WBP2NL: variants seen among roughly 807,000 people sequenced by gnomAD.
WBP2NL encodes postacrosomal sheath WW domain-binding protein.
Under a neutral mutation model 23.3 loss-of-function variants are expected in WBP2NL, and 27 were observed. That is an observed-to-expected ratio of 1.16 (90% confidence interval 0.85 to 1.60). WBP2NL has a LOEUF of 1.60. Among genes scored for constraint, WBP2NL ranks in the 40% most tolerant of loss-of-function variants. WBP2NL has a pLI of 0.00. For synonymous variants in WBP2NL, 151 were observed against 145.9 expected (o/e 1.03, Z -0.25); for missense variants, 370 against 389.5 (o/e 0.95, Z 0.42).
downstream of WBP2NL, chr22:42,032,990 A>C: frequency 5.6e-6 from 1 of 178,998 alleles, no homozygotes; most frequent in Non-Finnish European, 1.2e-5. Flanking sequence ...GACAAGTGGC[A>C]CCTCTGCCCA....
At position 42,028,324 on chromosome 22, in the gene WBP2NL, C is replaced by T. The variant is rs879398655; in HGVS notation, c.*1143C>T. ...ACAAATATTTATATTTTATAACAAA[C>T]GTTTATATTTGTATATTTATAACAA... On this transcript the variant is annotated 3_prime_UTR_variant, in exon 6 of 6. Transcript: ENST00000328823. The T allele has an allele frequency of 6.3e-5, 22 of 350,302 alleles. No homozygotes were observed. Among genetic ancestry groups the T allele is most frequent in the African/African-American group, 2.1e-4 (10 of 47,768 alleles). The allele number at this position is 350,302 out of a possible 1,614,324, so 21.7% of individuals were successfully genotyped here.
intron 1 of WBP2NL, among the ~76,000 whole-genome samples, chr22:41,999,436 C>T (rs746681692): frequency 6.6e-6 from 1 of 152,190 alleles, no homozygotes; most frequent in Non-Finnish European, 1.5e-5. Flanking sequence ...CTTTCTAAAG[C>T]CATGTTTCCT....
chr22:42,038,969 G>A (rs2087928739), intron 8 of WBP2NL, among the ~76,000 whole-genome samples: 2 of 151,582 alleles, frequency 1.3e-5, no homozygotes, highest in Admixed American at 1.3e-4. Context: ...GCAGTGGTAT[G>A]ATCATTGCTC....
intron 8 of WBP2NL, among the ~76,000 whole-genome samples, chr22:42,042,087 G>A (rs1240933689): frequency 6.6e-6 from 1 of 152,096 alleles, no homozygotes; most frequent in African/African-American, 2.4e-5. Flanking sequence ...CTTTTTTCTT[G>A]CATCTTTCAA....
rs754831879 is a variant in WBP2NL, at chr22:42,027,006, A to G, written c.755A>G (p.Tyr252Cys). ...GGATATGGAACCCCACCTCTCGGAT[A>G]TGGAGCCCCACCTCTCGGATATGGA... ...PLGYGTPPLGYGAPPLGYGAP... is the reference protein window; with the variant it reads ...PLGYGTPPLGCGAPPLGYGAP... The change falls in exon 6 of 6, where the codon TAT becomes TGT. Residue 252 changes from tyrosine to cysteine, a missense_variant. Tyr to Cys is a radical substitution (Grantham distance 194). Coordinates refer to ENST00000328823, the MANE Select transcript of WBP2NL (RefSeq NM_152613.3). The G allele has an allele frequency of 6.2e-7, 1 of 1,610,198 alleles. No individual in the cohort carries two copies. Among genetic ancestry groups the G allele is most frequent in the South Asian group, 1.1e-5 (1 of 91,018 alleles).
chr22:42,027,296 TC>T lies in WBP2NL; in HGVS notation c.*117del. On this transcript the variant is annotated 3_prime_UTR_variant, in exon 6 of 6. Coordinates refer to ENST00000328823, the MANE Select transcript of WBP2NL (RefSeq NM_152613.3). ...TCACAGGCTTCTCGCAGGTAGTTGT[TC>T]CACCCTTTGGAAGGGCAATCTTATG... The T allele has an allele frequency of 7.3e-7, 1 of 1,366,156 alleles. No homozygotes were observed. The highest frequency in any genetic ancestry group is 2.7e-5 in the Admixed American group (1 of 36,826). The allele number at this position is 1,366,156 out of a possible 1,614,324, so 84.6% of individuals were successfully genotyped here.
At chr22:42,021,792 T>TTC (rs1924004093) in intron 4 of WBP2NL, among the ~76,000 whole-genome samples, 1 of 147,594 alleles carries the variant, frequency 6.8e-6, no homozygotes, top group African/African-American at 2.5e-5. Flanking sequence ...TTTCTTTCTT[T>TTC]TTTTTTTTTT....
downstream of WBP2NL, among the ~76,000 whole-genome samples, chr22:42,035,794 C>T (rs1187266238): frequency 6.6e-6 from 1 of 151,808 alleles, no homozygotes; most frequent in Non-Finnish European, 1.5e-5. Flanking sequence ...ATTTTTATAC[C>T]CTTTGACCAA....
chr22:42,028,887 G>A (rs1191098720), downstream of WBP2NL, among the ~76,000 whole-genome samples: 1 of 152,218 alleles, frequency 6.6e-6, no homozygotes, highest in Admixed American at 6.5e-5. Context: ...GTACGTTTCA[G>A]GATGTCTTGC....
downstream of WBP2NL, among the ~76,000 whole-genome samples, chr22:42,035,733 G>A (rs892554327): frequency 5.9e-5 from 9 of 152,234 alleles, no homozygotes; most frequent in African/African-American, 2.2e-4. Flanking sequence ...ATTGTGAAAT[G>A]ACCATCACAT....
At chr22:42,013,160 G>A (rs1055267066) in intron 1 of WBP2NL, among the ~76,000 whole-genome samples, 2 of 151,880 alleles carry the variant, frequency 1.3e-5, no homozygotes, top group African/African-American at 4.8e-5. Context: ...ATCACCTGAG[G>A]CCGGGAGTTC....
chr22:42,001,898 C>G, intron 1 of WBP2NL: 1 of 1,464,534 alleles, frequency 6.8e-7, no homozygotes, highest in South Asian at 1.5e-5. Context: ...CTACCGCCAT[C>G]TTGGAGATGG....
intron 8 of WBP2NL, among the ~76,000 whole-genome samples, chr22:42,040,577 T>C (rs1190928011): frequency 6.6e-6 from 1 of 152,252 alleles, no homozygotes; most frequent in Admixed American, 6.5e-5. Flanking sequence ...ATTTCCCTTA[T>C]GGAACTGCTT....
chr22:42,001,837 G>T, intron 1 of WBP2NL: 1 of 1,338,664 alleles, frequency 7.5e-7, no homozygotes, highest in African/African-American at 1.5e-5. Flanking sequence ...GCAGTGATCT[G>T]CTTGCTGGCA....
chr22:42,011,227 G>C (rs1266441692), intron 1 of WBP2NL, among the ~76,000 whole-genome samples: 1 of 152,056 alleles, frequency 6.6e-6, no homozygotes, highest in Non-Finnish European at 1.5e-5. Context: ...TAAACGTTTT[G>C]TATAATAGAA....
At chr22:42,024,588 A>T (rs1369128419) in intron 5 of WBP2NL, among the ~76,000 whole-genome samples, 1 of 152,026 alleles carries the variant, frequency 6.6e-6, no homozygotes, top group Non-Finnish European at 1.5e-5. Flanking sequence ...TTCCTTAATG[A>T]CTAATGATGT....
At chr22:42,037,628 T>A (rs995738317), downstream of WBP2NL, among the ~76,000 whole-genome samples, 1 of 152,166 alleles carries the variant, frequency 6.6e-6, no homozygotes, top group Non-Finnish European at 1.5e-5. Context: ...TTTATTTGTG[T>A]CAGTTATTTT....
chr22:42,054,084 G>A (rs1026780788), intron 8 of WBP2NL, among the ~76,000 whole-genome samples: 4 of 152,072 alleles, frequency 2.6e-5, no homozygotes, highest in Admixed American at 2.6e-4. Flanking sequence ...ATGCGACTGT[G>A]CGGGGCCTCT....
At chr22:42,042,183 G>T (rs979279511) in intron 8 of WBP2NL, among the ~76,000 whole-genome samples, 1 of 152,190 alleles carries the variant, frequency 6.6e-6, no homozygotes, top group South Asian at 2.1e-4. Context: ...GGCTTCTTCA[G>T]TCTGGACGTC....
Sources: allele counts gnomAD v4.1 joint callset (sites outside exome capture counted in the v4.1 genomes callset), GRCh38; gene constraint gnomAD v4.1.1; transcripts MANE v1.5; gene names NCBI Gene and HGNC (gene_info 2026-07-23, HGNC 2026-07-21).